Variants in PRICKLE1 observed in about 807,000 individuals in gnomAD.
PRICKLE1 encodes prickle planar cell polarity protein 1, also known as prickle-like protein 1.
Under a neutral mutation model 70.2 loss-of-function variants are expected in PRICKLE1, and 14 were observed. The observed-to-expected ratio is 0.20, with a 90% CI of 0.13 to 0.31. The LOEUF is 0.31. Among genes scored for constraint, PRICKLE1 ranks in the 10% least tolerant of loss-of-function variants. The pLI is 1.00. For synonymous variants in PRICKLE1, 357 were observed against 379.9 expected (o/e 0.94, Z 0.70); for missense variants, 821 against 1,026.2 (o/e 0.80, Z 2.73).
In PRICKLE1 at chr12:42,460,247, G is replaced by A; in HGVS notation, c.2058C>T (p.Ala686=). ...RRSRKSRSDN[A]LNLVTERKYS... is the part of the protein sequence containing the mutation. ...ATTTTCTTTCTGTAACAAGATTCAG[G>A]GCATTGTCGGAGCGGGACTTTCTAC... The change falls in exon 8 of 8, where the codon GCC becomes GCT. Residue 686 remains alanine, a synonymous_variant. Transcript: ENST00000345127. 6.2e-7 allele frequency: 1 copy of A among 1,614,100 alleles called. No homozygotes were observed. The highest frequency in any genetic ancestry group is 1.3e-5 in the African/African-American group (1 of 75,016).
intron 1 of PRICKLE1, among the ~76,000 whole-genome samples, chr12:42,475,083 G>GCCACCATC (rs1341103520): frequency 1.3e-5 from 2 of 152,176 alleles, no homozygotes; most frequent in Non-Finnish European, 2.9e-5. Context: ...AGCACTACAT[G>GCCACCATC]CCACCATCCC....
intron 1 of PRICKLE1, among the ~76,000 whole-genome samples, chr12:42,523,666 G>C (rs1460035243): frequency 1.3e-5 from 2 of 152,154 alleles, no homozygotes; most frequent in Non-Finnish European, 2.9e-5. Flanking sequence ...TAAAAAATCT[G>C]GGTCACATTA....
intron 1 of PRICKLE1, among the ~76,000 whole-genome samples, chr12:42,508,879 A>C (rs74079903): frequency 0.022 from 3,320 of 152,258 alleles, 110 homozygotes; most frequent in African/African-American, 0.076. Context: ...TCTCATCTAC[A>C]CAGCGGCAGA....
At chr12:42,477,404 C>T (rs12319397) in intron 1 of PRICKLE1, among the ~76,000 whole-genome samples, 2 of 118,836 alleles carry the variant, frequency 1.7e-5, no homozygotes, top group African/African-American at 3.1e-5. Flanking sequence ...TATATATATA[C>T]ACATATTATA....
chr12:42,485,524 C>G (rs1205430754), intron 1 of PRICKLE1: 3 of 152,112 alleles, frequency 2.0e-5, no homozygotes, highest in South Asian at 2.1e-4. Flanking sequence ...ACCATGAATA[C>G]CTAGGTCAGA....
At chr12:42,576,920 T>C (rs932812749) in intron 1 of PRICKLE1, among the ~76,000 whole-genome samples, 1 of 152,234 alleles carries the variant, frequency 6.6e-6, no homozygotes, top group Admixed American at 6.5e-5. Context: ...AGATTAATTA[T>C]AGGAAGAGTT....
intron 1 of PRICKLE1, among the ~76,000 whole-genome samples, chr12:42,477,200 C>T (rs1566090686): frequency 6.6e-6 from 1 of 151,608 alleles, no homozygotes; most frequent in African/African-American, 2.4e-5. Context: ...TGGAGAAACC[C>T]CGTCTCTACT....
chr12:42,459,866 C>A lies in PRICKLE1; in HGVS notation c.2439G>T (p.Arg813Ser), dbSNP rs138524511. ...SALPTPQFGQ[R>S]TTKSKKKKGH... Reference sequence around the variant, plus strand: ...CCTTTTTCTTCTTGGATTTTGTTGTCCTCTGACCAAACTGAGGGGTGGGAA... The same window carrying A: ...CCTTTTTCTTCTTGGATTTTGTTGTACTCTGACCAAACTGAGGGGTGGGAA... The change falls in exon 8 of 8, where the codon AGG becomes AGT. Residue 813 changes from arginine (R) to serine (S), a missense_variant. By Grantham distance (110) the Arg-to-Ser change is moderately radical (BLOSUM62 -1). Coordinates refer to ENST00000345127, the MANE Select transcript of PRICKLE1 (RefSeq NM_153026.3). The A allele has an allele frequency of 6.2e-7, 1 of 1,613,932 alleles. No homozygotes were observed. Among genetic ancestry groups the A allele is most frequent in the Non-Finnish European group, 8.5e-7 (1 of 1,180,022 alleles).
intron 1 of PRICKLE1, among the ~76,000 whole-genome samples, chr12:42,473,821 G>A (rs537405526): frequency 2.3e-5 from 2 of 85,740 alleles, no homozygotes; most frequent in East Asian, 7.1e-4. Flanking sequence ...TTCCATCTCA[G>A]GAAGGATGTC....
At chr12:42,575,404 T>C (rs962059317) in intron 1 of PRICKLE1, among the ~76,000 whole-genome samples, 1 of 152,132 alleles carries the variant, frequency 6.6e-6, no homozygotes, top group Non-Finnish European at 1.5e-5. Flanking sequence ...TAGAAAGACG[T>C]GCAATTTGGG....
rs529920987 is a variant in PRICKLE1, at chr12:42,458,013, T to C, written c.*1796A>G. 1 of 152,310 alleles carries C rather than the reference T, an allele frequency of 6.6e-6. No individual in the cohort carries two copies. Among genetic ancestry groups the C allele is most frequent in the Admixed American group, 6.5e-5 (1 of 15,292 alleles). The allele number at this position is 152,310 out of a possible 1,614,324, so 9.4% of individuals were successfully genotyped here. A position where few individuals can be genotyped will look rare whatever the true frequency, so the allele number is the denominator to read the frequency against. ...AGACCAGGGAATGTAAGTTACTGAG[T>C]GAAGAACTCTCTCACCATTGGTGCT... On this transcript the variant is annotated 3_prime_UTR_variant, in exon 8 of 8. Transcript: ENST00000345127.
At chr12:42,465,487 T>C (rs1413371127) in intron 6 of PRICKLE1, 2 of 555,888 alleles carry the variant, frequency 3.6e-6, no homozygotes, top group Non-Finnish European at 6.4e-6. Context: ...TTCATGGTCA[T>C]TCGCAGATGT....
At chr12:42,468,954 G>T in intron 4 of PRICKLE1, 125 bp from the exon 5 acceptor site, 1 of 876,780 alleles carries the variant, frequency 1.1e-6, no homozygotes, top group Non-Finnish European at 1.8e-6. Flanking sequence ...CTCTTTTAGT[G>T]ATTAAATAGC....
chr12:42,538,655 G>A (rs1291162723), intron 1 of PRICKLE1, among the ~76,000 whole-genome samples: 1 of 152,126 alleles, frequency 6.6e-6, no homozygotes, highest in Non-Finnish European at 1.5e-5. Flanking sequence ...ATGGTTTAAT[G>A]CCCTAATAGT....
intron 1 of PRICKLE1, among the ~76,000 whole-genome samples, chr12:42,472,925 T>C (rs1030793968): frequency 6.6e-6 from 1 of 152,120 alleles, no homozygotes; most frequent in Non-Finnish European, 1.5e-5. Flanking sequence ...CTGTAAGTTG[T>C]AGAAAGAAGT....
At chr12:42,558,760 CT>C (rs1317960570) in intron 1 of PRICKLE1, among the ~76,000 whole-genome samples, 2 of 152,168 alleles carry the variant, frequency 1.3e-5, no homozygotes, top group Non-Finnish European at 2.9e-5. Flanking sequence ...TGCAGAGGAG[CT>C]AGAGCTGAAA....
At chr12:42,541,657 A>G (rs1940118718) in intron 1 of PRICKLE1, among the ~76,000 whole-genome samples, 1 of 151,926 alleles carries the variant, frequency 6.6e-6, no homozygotes, top group Non-Finnish European at 1.5e-5. Flanking sequence ...TCCTTTTTTG[A>G]GCACAGAACT....
chr12:42,546,500 G>C (rs1217494254), intron 1 of PRICKLE1, among the ~76,000 whole-genome samples: 1 of 152,180 alleles, frequency 6.6e-6, no homozygotes, highest in East Asian at 1.9e-4. Flanking sequence ...TTAAAGTAGT[G>C]AATCTCATTT....
At chr12:42,538,021 T>G (rs1355529662) in intron 1 of PRICKLE1, among the ~76,000 whole-genome samples, 1 of 152,200 alleles carries the variant, frequency 6.6e-6, no homozygotes, top group South Asian at 2.1e-4. Flanking sequence ...TCTTGACTCT[T>G]AATCTAGTGC....
Sources: allele counts gnomAD v4.1 joint callset (sites outside exome capture counted in the v4.1 genomes callset), GRCh38; gene constraint gnomAD v4.1.1; transcripts MANE v1.5; gene names NCBI Gene and HGNC (gene_info 2026-07-23, HGNC 2026-07-21).